MTHFS: variants seen among roughly 807,000 people sequenced by gnomAD.
The protein encoded by MTHFS is methenyltetrahydrofolate synthetase.
MTHFS carries 7 observed loss-of-function variants against 12.7 expected under a neutral mutation model. That is an observed-to-expected ratio of 0.55 (90% CI 0.31 to 1.03). MTHFS has a LOEUF of 1.03. Ranked by LOEUF, MTHFS falls within the 50% of genes least tolerant of loss-of-function variation. MTHFS has a pLI of 0.05. For missense variants in MTHFS, 252 were observed against 258.1 expected (o/e 0.98, Z 0.16); for synonymous variants, 100 against 97.1 (o/e 1.03, Z -0.18).
chr15:79,884,849 A>G (rs905154179), intron 2 of MTHFS, among the ~76,000 whole-genome samples: 2 of 152,234 alleles, frequency 1.3e-5, no homozygotes, highest in African/African-American at 4.8e-5. Context: ...GTGACATGCC[A>G]GCACAAACCT....
intron 2 of MTHFS, among the ~76,000 whole-genome samples, chr15:79,878,796 T>C (rs2034244036): frequency 6.6e-6 from 1 of 151,780 alleles, no homozygotes. Flanking sequence ...AGACTTTTCC[T>C]GGGTTTCAGC....
At chr15:79,873,134 C>T (rs1374174288) in intron 2 of MTHFS, among the ~76,000 whole-genome samples, 3 of 152,182 alleles carry the variant, frequency 2.0e-5, no homozygotes, top group East Asian at 3.9e-4. Flanking sequence ...TTCTGTATCC[C>T]TATCTCAATC....
At chr15:79,897,076 C>T (rs2034594745), upstream of MTHFS, 1 of 1,330,826 alleles carries the variant, frequency 7.5e-7, no homozygotes. Context: ...CCAGGTGGAT[C>T]CGCGGCCTAG....
rs1399682390 is a variant in MTHFS at position 79,878,047 on chromosome 15, T to C, written c.379+11046A>G. 1.3e-5 allele frequency: 2 copies of C among 152,078 alleles called. 1 individual carries two copies. Among genetic ancestry groups the C allele is most frequent in the African/African-American group, 4.8e-5 (2 of 41,396 alleles). 9.4% of individuals were successfully genotyped at this position (152,078 alleles called of 1,614,324 possible). On this transcript the variant is annotated intron_variant, in intron 2 of 2. Transcript: ENST00000258874. ...AAAGGAAATTACACTGGATGGTAAC[T>C]TGAATTCACAGGAAAGAATGAAGAA...
chr15:79,889,155 T>G lies in MTHFS; in HGVS notation c.317A>C (p.Lys106Thr), dbSNP rs779337943. 5.6e-5 allele frequency: 91 copies of G among 1,614,016 alleles called. No homozygotes were observed. Among genetic ancestry groups the G allele is most frequent in the Non-Finnish European group, 7.5e-5 (88 of 1,180,012 alleles). Residue 106 changes from lysine to threonine, a missense_variant, in exon 2 of 3, where the codon AAA (lysine) becomes ACA (threonine). Physicochemically the swap from Lys to Thr is moderately conservative, Grantham distance 78 (BLOSUM62 -1). Transcript: ENST00000258874. ...ESPEEISLLPKTSWNIPQPGE... is the reference protein window; with the variant it reads ...ESPEEISLLPTTSWNIPQPGE... ...AGGCTGAGGGATATTCCAGGATGTT[T>G]TGGGAAGTAAAGAAATTTCCTCTGG... is the stretch of plus-strand genomic sequence containing the variant.
At chr15:79,893,873 T>C (rs1042339712) in intron 1 of MTHFS, among the ~76,000 whole-genome samples, 11 of 152,176 alleles carry the variant, frequency 7.2e-5, no homozygotes, top group Non-Finnish European at 1.3e-4. Flanking sequence ...TTCTTTACCA[T>C]TTAAATTACT....
intron 2 of MTHFS, among the ~76,000 whole-genome samples, chr15:79,858,869 T>C (rs1001203238): frequency 6.6e-6 from 1 of 152,232 alleles, no homozygotes; most frequent in African/African-American, 2.4e-5. Flanking sequence ...TTCAGAAACG[T>C]CTGTTTCCAT....
chr15:79,858,395 A>G (rs1171204596), intron 2 of MTHFS, among the ~76,000 whole-genome samples: 3 of 152,258 alleles, frequency 2.0e-5, no homozygotes, highest in African/African-American at 4.8e-5. Context: ...GGCCTATTGT[A>G]TCAACCACGA....
At chr15:79,896,787 G>C (rs905536598) in intron 1 of MTHFS, 85 bp downstream of exon 1, 6 of 1,417,294 alleles carry the variant, frequency 4.2e-6, no homozygotes, top group South Asian at 2.5e-5. Context: ...GCGCCAGCAC[G>C]GACCATGCAC....
intron 2 of MTHFS, among the ~76,000 whole-genome samples, chr15:79,845,973 G>A (rs368758119): frequency 1.7e-4 from 26 of 152,142 alleles, no homozygotes; most frequent in African/African-American, 5.1e-4. Context: ...CCAGGCTGCC[G>A]GGCTTCCCCA....
chr15:79,874,884 A>G (rs973745417), intron 2 of MTHFS, among the ~76,000 whole-genome samples: 1 of 152,124 alleles, frequency 6.6e-6, no homozygotes, highest in African/African-American at 2.4e-5. Flanking sequence ...TTCCCTGAAC[A>G]TCGCTGTTAT....
At chr15:79,869,666 T>C (rs2034070125) in intron 2 of MTHFS, among the ~76,000 whole-genome samples, 1 of 152,170 alleles carries the variant, frequency 6.6e-6, no homozygotes, top group Non-Finnish European at 1.5e-5. Context: ...ATTCCTGGGC[T>C]CAAATGATCC....
At position 79,896,750 on chromosome 15, in the gene MTHFS, C is replaced by T. The variant is rs186098809; in HGVS notation, c.117+122G>A. On this transcript the variant is annotated intron_variant, in intron 1 of 2. Transcript: ENST00000258874. The stretch of plus-strand genomic sequence containing the variant: ...CGCCGGGAGGGGAAACGTGCGCGCG[C>T]CGGGGGGTGGGGGGGCGCCTAGCCC... The T allele has an allele frequency of 6.1e-4, 873 of 1,421,404 alleles. 6 individuals carry two copies. The African/African-American group carries it at 0.012, about 19-fold the overall frequency. The allele number at this position is 1,421,404 out of a possible 1,614,324, so 88.0% of individuals were successfully genotyped here. A position where few individuals can be genotyped will look rare whatever the true frequency, so the allele number is the denominator to read the frequency against.
At chr15:79,846,949 C>CTCT (rs1442448953) in intron 2 of MTHFS, among the ~76,000 whole-genome samples, 2 of 152,248 alleles carry the variant, frequency 1.3e-5, no homozygotes, top group Non-Finnish European at 2.9e-5. Flanking sequence ...GACACACAGT[C>CTCT]TCTTCCCTTC....
intron 2 of MTHFS, among the ~76,000 whole-genome samples, chr15:79,858,409 G>A (rs1293448508): frequency 6.6e-6 from 1 of 152,014 alleles, no homozygotes; most frequent in Non-Finnish European, 1.5e-5. Context: ...ACCACGAAAG[G>A]ATGAGTCTTT....
At chr15:79,896,712 G>A in intron 1 of MTHFS, 160 bp downstream of exon 1, 1 of 1,270,782 alleles carries the variant, frequency 7.9e-7, no homozygotes, top group Non-Finnish European at 1.0e-6. Flanking sequence ...ACCACGACTA[G>A]GGGGCGTGCG....
chr15:79,883,166 T>C (rs28386970), intron 2 of MTHFS, among the ~76,000 whole-genome samples: 3,456 of 152,292 alleles, frequency 0.023, 121 homozygotes, highest in African/African-American at 0.078. Flanking sequence ...ATTACACCCC[T>C]GCACTCCAGT....
intron 2 of MTHFS, among the ~76,000 whole-genome samples, chr15:79,886,166 C>T (rs2034379306): frequency 6.6e-6 from 1 of 152,204 alleles, no homozygotes. Flanking sequence ...CTTTTCTAAG[C>T]TCTGATAATG....
At chr15:79,853,282 T>C (rs2033746107) in intron 2 of MTHFS, among the ~76,000 whole-genome samples, 1 of 152,142 alleles carries the variant, frequency 6.6e-6, no homozygotes. Flanking sequence ...AAAAATATCA[T>C]CCTTATATTT....
Sources: gnomAD v4.1 joint callset for allele counts (sites outside exome capture counted in the v4.1 genomes callset) on GRCh38, gnomAD v4.1.1 for gene constraint, MANE v1.5 for transcripts, NCBI Gene and HGNC (gene_info 2026-07-23, HGNC 2026-07-21) for gene names.